Variants in C1orf146 observed in about 807,000 individuals in gnomAD.
The protein encoded by C1orf146 is protein SPO16 homolog.
Under a neutral mutation model 23.0 loss-of-function variants are expected in C1orf146, and 22 were observed. The ratio of observed to expected loss-of-function variants is 0.96; its 90% CI spans 0.68 to 1.36. The LOEUF (loss-of-function observed/expected upper bound fraction) is 1.36. Ranked by LOEUF, C1orf146 falls within the 40% of genes most tolerant of loss-of-function variation. The probability of loss-of-function intolerance (pLI) is 0.00; values close to 1 mark genes in which losing one functional copy is unlikely to be tolerated. For synonymous variants in C1orf146, 59 were observed against 65.3 expected (o/e 0.90, Z 0.47); for missense variants, 199 against 206.8 (o/e 0.96, Z 0.23).
chr1:92,245,369 A>G lies in C1orf146; in HGVS notation c.409-171A>G, dbSNP rs549936325. Among the ~76,000 whole-genome samples, 385 of 152,320 alleles carry G rather than the reference A, an allele frequency of 2.5e-3. 3 individuals are homozygous for G. Among genetic ancestry groups the G allele is most frequent in the South Asian group, 9.3e-3 (45 of 4,822 alleles). ...TGGCTTGCATGTTTAAAATTCCTTG[A>G]TAGAAACTAAGTATTTTCCTGTTGA... On this transcript the variant is annotated intron_variant, in intron 5 of 5. Transcript: ENST00000370375.
intron 1 of C1orf146, chr1:92,228,870 A>G (rs1215793804): frequency 2.5e-6 from 1 of 393,388 alleles, no homozygotes; most frequent in Non-Finnish European, 4.9e-6. Flanking sequence ...CTGATATCAG[A>G]TACTAGCTTC....
chr1:92,233,077 G>C (rs1333312509), intron 2 of C1orf146, among the ~76,000 whole-genome samples: 4 of 152,052 alleles, frequency 2.6e-5, no homozygotes, highest in Non-Finnish European at 5.9e-5. Flanking sequence ...CACTCTGATG[G>C]TAGTTTCTTT....
chr1:92,224,010 TATTTTATTTA>T (rs1651902031), intron 1 of C1orf146, among the ~76,000 whole-genome samples: 1 of 140,194 alleles, frequency 7.1e-6, no homozygotes. Flanking sequence ...GTTGTTGTTT[TATTTTATTTA>T]TTTATTTATT....
chr1:92,241,739 G>A (rs1232974918), intron 2 of C1orf146, among the ~76,000 whole-genome samples: 1 of 152,110 alleles, frequency 6.6e-6, no homozygotes, highest in Non-Finnish European at 1.5e-5. Flanking sequence ...CCAAATTGCT[G>A]GGATTTCAGG....
At chr1:92,240,747 C>A in intron 2 of C1orf146, 1 of 199,716 alleles carries the variant, frequency 5.0e-6, no homozygotes, top group Non-Finnish European at 1.1e-5. Flanking sequence ...TGTTCTCAAA[C>A]TCCTGGGCTG....
At chr1:92,235,177 T>C (rs1166631303) in intron 2 of C1orf146, among the ~76,000 whole-genome samples, 1 of 151,822 alleles carries the variant, frequency 6.6e-6, no homozygotes, top group Non-Finnish European at 1.5e-5. Context: ...GCTCTTGCTT[T>C]TCTAGTTCTT....
intron 1 of C1orf146, among the ~76,000 whole-genome samples, chr1:92,224,834 C>T (rs1651926851): frequency 6.6e-6 from 1 of 152,080 alleles, no homozygotes; most frequent in Non-Finnish European, 1.5e-5. Context: ...CCTCTGCCTC[C>T]TGGGTTCAAG....
At chr1:92,230,437 C>A (rs1652091066) in intron 1 of C1orf146, among the ~76,000 whole-genome samples, 1 of 152,034 alleles carries the variant, frequency 6.6e-6, no homozygotes, top group Non-Finnish European at 1.5e-5. Context: ...ACAGTGAAAC[C>A]CCGTCTCCAC....
At chr1:92,220,684 T>A (rs1651797917) in intron 1 of C1orf146, among the ~76,000 whole-genome samples, 1 of 152,210 alleles carries the variant, frequency 6.6e-6, no homozygotes, top group Non-Finnish European at 1.5e-5. Context: ...CTATAAAATA[T>A]TTCTGTGTGT....
In C1orf146 at chr1:92,218,474, C is replaced by A. The variant is rs549320305; in HGVS notation, c.-40+426C>A. Among the ~76,000 whole-genome samples the A allele has an allele frequency of 6.6e-5, 10 of 151,420 alleles. No homozygotes were observed. In the South Asian group the frequency reaches 2.1e-3, roughly 31 times the overall value. On this transcript the variant is annotated intron_variant, in intron 1 of 5. Coordinates refer to ENST00000370375, the MANE Select transcript of C1orf146 (RefSeq NM_001012425.2). ...ACTCCAGAGCTTGGAAAAAACAAAA[C>A]AGTAGCAACAAAAGCCCAGAATACC...
intron 2 of C1orf146, 142 bp from the exon 3 acceptor site, chr1:92,242,070 A>G: frequency 2.1e-6 from 1 of 480,970 alleles, no homozygotes; most frequent in Non-Finnish European, 3.6e-6. Context: ...TTCTCCATAG[A>G]AAGCATATTT....
At chr1:92,232,501 G>A (rs1380170745) in intron 2 of C1orf146, among the ~76,000 whole-genome samples, 1 of 151,938 alleles carries the variant, frequency 6.6e-6, no homozygotes, top group East Asian at 1.9e-4. Context: ...TCTTAATCCA[G>A]TCTATCATTG....
chr1:92,233,460 T>A (rs1652186109), intron 2 of C1orf146, among the ~76,000 whole-genome samples: 1 of 152,188 alleles, frequency 6.6e-6, no homozygotes, highest in African/African-American at 2.4e-5. Context: ...TTCTGTTCCG[T>A]TGATCTATAT....
chr1:92,221,562 TATAAGCAGTGC>T (rs1277397009), intron 1 of C1orf146, among the ~76,000 whole-genome samples: 1 of 152,260 alleles, frequency 6.6e-6, no homozygotes, highest in Non-Finnish European at 1.5e-5. Context: ...TTTCTAGCTT[TATAAGCAGTGC>T]AGATTATTTT....
chr1:92,241,513 A>G (rs2100748442), intron 2 of C1orf146, among the ~76,000 whole-genome samples: 1 of 152,160 alleles, frequency 6.6e-6, no homozygotes, highest in East Asian at 1.9e-4. Context: ...TTTTTGAGGT[A>G]GAGTCTTGCT....
chr1:92,226,296 T>C (rs1215834882), intron 1 of C1orf146, among the ~76,000 whole-genome samples: 2 of 152,156 alleles, frequency 1.3e-5, no homozygotes, highest in African/African-American at 4.8e-5. Context: ...AATATGCATC[T>C]TAATTATTTC....
chr1:92,232,491 T>C (rs1652154403), intron 2 of C1orf146, among the ~76,000 whole-genome samples: 1 of 152,098 alleles, frequency 6.6e-6, no homozygotes, highest in South Asian at 2.1e-4. Context: ...TGCCACATTT[T>C]CTTAATCCAG....
chr1:92,221,253 T>C (rs1306596808), intron 1 of C1orf146, among the ~76,000 whole-genome samples: 1 of 152,104 alleles, frequency 6.6e-6, no homozygotes, highest in Admixed American at 6.6e-5. Context: ...TGCCACATGC[T>C]CTCACTTATA....
At chr1:92,228,476 C>G (rs554676681) in intron 1 of C1orf146, among the ~76,000 whole-genome samples, 6 of 152,248 alleles carry the variant, frequency 3.9e-5, no homozygotes, top group African/African-American at 1.4e-4. Flanking sequence ...ACCTAAGGCT[C>G]TGGATAATAT....
Sources: gnomAD v4.1 joint callset for allele counts (sites outside exome capture counted in the v4.1 genomes callset) on GRCh38, gnomAD v4.1.1 for gene constraint, MANE v1.5 for transcripts, NCBI Gene and HGNC (gene_info 2026-07-23, HGNC 2026-07-21) for gene names.